The following CSMD3 variants were observed in gnomAD, a reference collection of about 807,000 sequenced individuals.
CSMD3 encodes the protein CUB and sushi domain-containing protein 3.
CSMD3 carries 177 observed loss-of-function variants against 435.2 expected under a neutral mutation model. The ratio of observed to expected loss-of-function variants is 0.41; its 90% confidence interval spans 0.36 to 0.46. The LOEUF is 0.46. Ranked by LOEUF, CSMD3 falls within the 20% of genes least tolerant of loss-of-function variation. CSMD3 has a pLI of 0.34. For synonymous variants in CSMD3, 1,656 were observed against 1,520.5 expected, an observed-to-expected ratio of 1.09 and a Z score of -2.07; for missense variants, 4,265 against 4,504.6, an observed-to-expected ratio of 0.95 and a Z score of 1.52.
At chr8:112,909,858 T>C (rs1355375551) in intron 10 of CSMD3, among the ~76,000 whole-genome samples, 1 of 151,852 alleles carries the variant, frequency 6.6e-6, no homozygotes, top group Non-Finnish European at 1.5e-5. Context: ...TATATTACTT[T>C]CAGTATCTGG....
At chr8:112,233,311 A>T (rs575100310) in intron 68 of CSMD3, among the ~76,000 whole-genome samples, 7 of 152,296 alleles carry the variant, frequency 4.6e-5, no homozygotes, top group Admixed American at 3.9e-4. Flanking sequence ...GACATTTCAC[A>T]ACAACTGATT....
intron 1 of CSMD3, among the ~76,000 whole-genome samples, chr8:113,385,687 A>T (rs2094436340): frequency 6.6e-6 from 1 of 152,102 alleles, no homozygotes; most frequent in African/African-American, 2.4e-5. Context: ...CATTTATGTA[A>T]AACTATGGAA....
intron 16 of CSMD3, among the ~76,000 whole-genome samples, chr8:112,668,847 G>A (rs920074572): frequency 2.0e-5 from 3 of 151,558 alleles, no homozygotes; most frequent in Admixed American, 6.6e-5. Flanking sequence ...AGAGGAAAAT[G>A]TCAGTAAGGA....
chr8:113,435,018 C>T (rs538700753), intron 1 of CSMD3, among the ~76,000 whole-genome samples: 2 of 152,370 alleles, frequency 1.3e-5, no homozygotes, highest in Non-Finnish European at 2.9e-5. Flanking sequence ...GCCTCCCCCA[C>T]GCGAAGCGCG....
chr8:112,814,989 G>C (rs1401766393), intron 12 of CSMD3, among the ~76,000 whole-genome samples: 1 of 151,064 alleles, frequency 6.6e-6, no homozygotes, highest in Non-Finnish European at 1.5e-5. Context: ...TATGAAAAAT[G>C]CATTTAATAT....
chr8:112,323,133 G>A (rs1823157652), intron 45 of CSMD3, among the ~76,000 whole-genome samples: 1 of 140,222 alleles, frequency 7.1e-6, no homozygotes, highest in African/African-American at 2.8e-5. Flanking sequence ...AAAGTAAAGG[G>A]GAAAGGAGTA....
rs948776243 is a variant in CSMD3, at chr8:113,256,135, G to GA, written c.514+22456dup. Among the ~76,000 whole-genome samples the GA allele has an allele frequency of 1.4e-4, 21 of 149,224 alleles. No individual in the cohort carries two copies. In the South Asian group the frequency reaches 1.9e-3, roughly 14 times the overall value. On this transcript the variant is annotated intron_variant, in intron 3 of 70. Transcript: ENST00000297405. ...ATTTCATGAGAAGCAACAGCAGAAA[G>GA]AAAAAAAAAGCAAATGTAAAAATTT...
intron 22 of CSMD3, among the ~76,000 whole-genome samples, chr8:112,632,114 T>C (rs1258313917): frequency 6.6e-6 from 1 of 152,010 alleles, no homozygotes; most frequent in African/African-American, 2.4e-5. Context: ...AAATGCACTT[T>C]ATTCTTTCAT....
At chr8:112,665,972 C>T (rs1233319901) in intron 17 of CSMD3, among the ~76,000 whole-genome samples, 1 of 151,992 alleles carries the variant, frequency 6.6e-6, no homozygotes, top group Non-Finnish European at 1.5e-5. Context: ...AATTCACAGG[C>T]CCTTCAAAGT....
intron 3 of CSMD3, among the ~76,000 whole-genome samples, chr8:113,263,194 G>A (rs2093440939): frequency 6.6e-6 from 1 of 151,860 alleles, no homozygotes; most frequent in Admixed American, 6.6e-5. Context: ...AAAGCACAGT[G>A]AAAGAACCAA....
intron 13 of CSMD3, among the ~76,000 whole-genome samples, chr8:112,702,322 C>G (rs1587010781): frequency 6.6e-6 from 1 of 151,990 alleles, no homozygotes; most frequent in East Asian, 1.9e-4. Context: ...ATTCAAGAAA[C>G]AGTTGTGGAA....
intron 36 of CSMD3, among the ~76,000 whole-genome samples, chr8:112,388,427 T>C (rs1287041585): frequency 2.0e-5 from 3 of 152,136 alleles, no homozygotes; most frequent in Non-Finnish European, 4.4e-5. Context: ...AATGGAGAGA[T>C]ATAGATTTGT....
chr8:112,936,592 A>G (rs1201657898), intron 9 of CSMD3, among the ~76,000 whole-genome samples: 3 of 152,064 alleles, frequency 2.0e-5, no homozygotes, highest in African/African-American at 4.8e-5. Context: ...CCTTTTTCCT[A>G]TAACTTTTTT....
chr8:113,165,675 A>C (rs900550095), intron 4 of CSMD3, among the ~76,000 whole-genome samples: 9 of 152,190 alleles, frequency 5.9e-5, no homozygotes, highest in African/African-American at 2.2e-4. Context: ...GTAACATATA[A>C]TACTAAAAAA....
At chr8:112,747,911 G>T (rs890435740) in intron 13 of CSMD3, among the ~76,000 whole-genome samples, 1 of 149,770 alleles carries the variant, frequency 6.7e-6, no homozygotes, top group African/African-American at 2.5e-5. Flanking sequence ...TGCAGTGAGC[G>T]GAGATTGCGC....
chr8:113,048,849 G>T (rs2087956322), intron 5 of CSMD3, among the ~76,000 whole-genome samples: 1 of 152,068 alleles, frequency 6.6e-6, no homozygotes, highest in Admixed American at 6.6e-5. Flanking sequence ...TTACATTAAT[G>T]ATCTGAAAAC....
intron 3 of CSMD3, among the ~76,000 whole-genome samples, chr8:113,227,641 TAA>T: frequency 6.6e-6 from 1 of 151,732 alleles, no homozygotes. Context: ...TCTGATTGTT[TAA>T]AAGTGTTTGG....
chr8:112,900,016 C>T (rs1156297565), intron 10 of CSMD3, among the ~76,000 whole-genome samples: 9 of 151,048 alleles, frequency 6.0e-5, no homozygotes, highest in Admixed American at 5.3e-4. Context: ...TTCCTTTTCT[C>T]TCTATTTTCT....
chr8:113,364,482 G>A (rs1184119982), intron 1 of CSMD3, among the ~76,000 whole-genome samples: 2 of 151,896 alleles, frequency 1.3e-5, no homozygotes, highest in Admixed American at 6.6e-5. Flanking sequence ...CATGTACTTC[G>A]ATTTCAACAA....
Sources: gnomAD v4.1 joint callset for allele counts (sites outside exome capture counted in the v4.1 genomes callset) on GRCh38, gnomAD v4.1.1 for gene constraint, MANE v1.5 for transcripts, NCBI Gene and HGNC (gene_info 2026-07-23, HGNC 2026-07-21) for gene names.